The following RIC1 variants were observed in gnomAD, a reference collection of about 807,000 sequenced individuals.
RIC1 encodes RIC1 partner of RAB6A GEF complex.
A neutral mutation model predicts 169.0 loss-of-function variants in RIC1; 88 were observed. The ratio of observed to expected loss-of-function variants is 0.52; its 90% confidence interval spans 0.44 to 0.62. The LOEUF (loss-of-function observed/expected upper bound fraction) is 0.62. Among genes scored for constraint, RIC1 ranks in the 20% least tolerant of loss-of-function variants. The probability of loss-of-function intolerance (pLI) is 0.00; values close to 1 mark genes in which losing one functional copy is unlikely to be tolerated. For synonymous variants in RIC1, 790 were observed against 601.5 expected, an observed-to-expected ratio of 1.31 and a Z score of -4.59; for missense variants, 1,877 against 1,725.5, an observed-to-expected ratio of 1.09 and a Z score of -1.56.
intron 3 of RIC1, among the ~76,000 whole-genome samples, chr9:5,704,859 A>G (rs1302749606): frequency 6.6e-6 from 1 of 152,120 alleles, no homozygotes. Flanking sequence ...ATGATGTGAG[A>G]TAAGGATCCA....
At chr9:5,728,479 C>A (rs1228614341) in intron 6 of RIC1, among the ~76,000 whole-genome samples, 2 of 152,246 alleles carry the variant, frequency 1.3e-5, no homozygotes, top group African/African-American at 2.4e-5. Context: ...TTCCCCGACC[C>A]CTTGCACTTC....
chr9:5,749,025 CAT>C (rs754046544), intron 12 of RIC1, among the ~76,000 whole-genome samples: 1 of 152,040 alleles, frequency 6.6e-6, no homozygotes, highest in Non-Finnish European at 1.5e-5. Flanking sequence ...AAAATGGGCT[CAT>C]AGAATTTTTC....
intron 1 of RIC1, among the ~76,000 whole-genome samples, chr9:5,641,661 AGCCC>A (rs1818256754): frequency 1.7e-5 from 2 of 115,252 alleles, no homozygotes; most frequent in African/African-American, 1.0e-4. Context: ...CCTGTCTCCA[AGCCC>A]ACTAATTCTT....
At chr9:5,686,117 T>C (rs1240196136) in intron 2 of RIC1, among the ~76,000 whole-genome samples, 6 of 150,954 alleles carry the variant, frequency 4.0e-5, no homozygotes, top group Admixed American at 4.0e-4. Context: ...CATTAAAAAG[T>C]CAGGAAACAA....
intron 3 of RIC1, among the ~76,000 whole-genome samples, chr9:5,709,814 T>C (rs1185561979): frequency 6.6e-6 from 1 of 152,194 alleles, no homozygotes; most frequent in African/African-American, 2.4e-5. Flanking sequence ...ATGGAAACTT[T>C]CCTGCGAGAT....
chr9:5,662,185 T>C (rs557655402), intron 2 of RIC1, among the ~76,000 whole-genome samples: 1 of 152,362 alleles, frequency 6.6e-6, no homozygotes, highest in African/African-American at 2.4e-5. Context: ...TGAAGTCTAC[T>C]TGGACATGAT....
Position 5,720,717 on chromosome 9 carries a change from T to A in RIC1, c.687T>A (p.Phe229Leu). The change falls in exon 6 of 26, where the codon TTT becomes TTA. Residue 229 changes from phenylalanine to leucine, a missense_variant. Physicochemically the swap from Phe to Leu is conservative, Grantham distance 22. This residue lies in a region of RIC1 where 1,104 missense variants were observed against 992.0 expected (regional missense o/e 1.11). Transcript: ENST00000414202. ...TATTTAATGATGGTAAAGTTGGATT[T>A]ATTACACCAGTGTCAAGTAGATTTA... ...AVVFNDGKVG[F>L]ITPVSSRFTA... 6.2e-7 allele frequency: 1 copy of A among 1,611,902 alleles called. No individual in the cohort carries two copies. The highest frequency in any genetic ancestry group is 8.5e-7 in the Non-Finnish European group (1 of 1,179,096).
rs148555690 is a variant in RIC1, at chr9:5,763,938, T to C, written c.2841+70T>C. On this transcript the variant is annotated intron_variant, in intron 19 of 25. Transcript: ENST00000414202. The surrounding 1 kb of genome is among the most constrained non-coding windows in gnomAD (Gnocchi z 5.2). Reference sequence around the variant, plus strand: ...AACTTAGAAAAATAGAAATGTCCTGTTTTGACACCATGATTGTGTTTAAGG... The same window carrying C: ...AACTTAGAAAAATAGAAATGTCCTGCTTTGACACCATGATTGTGTTTAAGG... 5.4e-6 allele frequency: 8 copies of C among 1,473,520 alleles called. No individual in the cohort carries two copies. In the East Asian group the frequency reaches 1.8e-4, roughly 34 times the overall value. 91.3% of individuals were successfully genotyped at this position (1,473,520 alleles called of 1,614,324 possible). A position where few individuals can be genotyped will look rare whatever the true frequency, so the allele number is the denominator to read the frequency against.
chr9:5,753,217 A>G lies in RIC1; in HGVS notation c.1470A>G (p.Leu490=), dbSNP rs767509836. ...WHVVQISSTY[L]ESNWPIRFSA... ...TTCTATAGATTTCCAGCACCTATCTAGAGAGCAATTGGCCTATACGGGTGA... is the reference window on the plus strand; with the variant it reads ...TTCTATAGATTTCCAGCACCTATCTGGAGAGCAATTGGCCTATACGGGTGA... The change falls in exon 13 of 26, where the codon CTA becomes CTG. Residue 490 remains leucine (L), a synonymous_variant. Transcript: ENST00000414202. The G allele has an allele frequency of 3.7e-6, 6 of 1,613,414 alleles. No individual in the cohort carries two copies. Among genetic ancestry groups the G allele is most frequent in the East Asian group, 4.5e-5 (2 of 44,868 alleles).
chr9:5,743,643 A>G, intron 9 of RIC1, 46 bp from the exon 10 acceptor site: 1 of 1,424,350 alleles, frequency 7.0e-7, no homozygotes, highest in Non-Finnish European at 9.7e-7. Context: ...TGTGTATTAT[A>G]TGTAATTGGA....
intron 3 of RIC1, among the ~76,000 whole-genome samples, chr9:5,702,170 G>T (rs1000832211): frequency 6.6e-6 from 1 of 152,176 alleles, no homozygotes; most frequent in Non-Finnish European, 1.5e-5. Context: ...TACTCTAAAG[G>T]AGCTACAGAT....
intron 2 of RIC1, among the ~76,000 whole-genome samples, chr9:5,665,566 C>T (rs947593928): frequency 9.2e-5 from 14 of 152,142 alleles, no homozygotes; most frequent in African/African-American, 3.4e-4. Flanking sequence ...AATTTCTTAT[C>T]TTTGTGGGCT....
At chr9:5,716,039 T>C (rs1245555200) in intron 4 of RIC1, among the ~76,000 whole-genome samples, 3 of 152,042 alleles carry the variant, frequency 2.0e-5, no homozygotes, top group Non-Finnish European at 4.4e-5. Flanking sequence ...AGACAAGGTT[T>C]CACCATGTTG....
rs761505527 is a variant in RIC1 at position 5,763,654 on chromosome 9, G to A, written c.2627G>A (p.Arg876Gln). Residue 876 changes from arginine (R) to glutamine (Q), a missense_variant, in exon 19 of 26, where the codon CGG becomes CAG. This residue lies in a region of RIC1 where 92 missense variants were observed against 151.5 expected (regional missense o/e 0.61). Transcript: ENST00000414202. The surrounding 1 kb of genome is among the most constrained non-coding windows in gnomAD (Gnocchi z 5.2). ...HEVLEEEATSREPIPDPLLPT... is the reference protein window; with the variant it reads ...HEVLEEEATSQEPIPDPLLPT... ...GTACTGGAAGAAGAAGCTACCTCACGGGAGCCCATTCCCGACCCTCTGCTT... is the reference window on the plus strand; with the variant it reads ...GTACTGGAAGAAGAAGCTACCTCACAGGAGCCCATTCCCGACCCTCTGCTT... The A allele has an allele frequency of 2.0e-5, 32 of 1,613,968 alleles. No homozygotes were observed. Among genetic ancestry groups the A allele is most frequent in the Non-Finnish European group, 2.5e-5 (30 of 1,180,010 alleles).
At chr9:5,684,696 A>G (rs965179020) in intron 2 of RIC1, among the ~76,000 whole-genome samples, 1 of 152,120 alleles carries the variant, frequency 6.6e-6, no homozygotes, top group Non-Finnish European at 1.5e-5. Flanking sequence ...CCCAATTTAT[A>G]TACCTTTTCT....
intron 1 of RIC1, among the ~76,000 whole-genome samples, chr9:5,645,098 A>T (rs569443599): frequency 6.1e-5 from 9 of 147,962 alleles, no homozygotes; most frequent in East Asian, 3.9e-4. Context: ...TTGTCCATTT[A>T]AAAAAAAAAC....
At chr9:5,736,871 T>C (rs1824743510) in intron 7 of RIC1, among the ~76,000 whole-genome samples, 1 of 152,054 alleles carries the variant, frequency 6.6e-6, no homozygotes, top group Non-Finnish European at 1.5e-5. Flanking sequence ...TTAAGGAGGC[T>C]ACTATTGCAG....
chr9:5,644,011 A>G (rs145917035), intron 1 of RIC1, among the ~76,000 whole-genome samples: 290 of 152,310 alleles, frequency 1.9e-3, no homozygotes, highest in African/African-American at 6.4e-3. Flanking sequence ...TAAATCATAC[A>G]AAAATTTACC....
chr9:5,714,018 T>C lies in RIC1; in HGVS notation c.440+15T>C. The C allele has an allele frequency of 6.4e-7, 1 of 1,554,758 alleles. No homozygotes were observed. The highest frequency in any genetic ancestry group is 8.9e-7 in the Non-Finnish European group (1 of 1,129,906). On this transcript the variant is annotated intron_variant, in intron 4 of 25. Transcript: ENST00000414202. ...CCCATCATGAGGTACAGTACTTTGG[T>C]TAAATTTGACATTGTGTGATGACAG...
Sources: allele counts gnomAD v4.1 joint callset (sites outside exome capture counted in the v4.1 genomes callset), GRCh38; gene constraint gnomAD v4.1.1; regional missense constraint gnomAD v4.1.1; non-coding constraint Gnocchi (gnomAD v3.1); transcripts MANE v1.5; gene names NCBI Gene and HGNC (gene_info 2026-07-23, HGNC 2026-07-21).